Variants in NALF1 observed in about 807,000 individuals in gnomAD.
NALF1 encodes NALCN channel auxiliary factor 1.
In NALF1, 3 loss-of-function variants were observed where a neutral mutation model predicts 48.4. The ratio of observed to expected loss-of-function variants is 0.06; its 90% CI spans 0.03 to 0.16. The LOEUF is 0.16. Ranked by LOEUF, NALF1 falls within the 10% of genes least tolerant of loss-of-function variation. NALF1 has a pLI of 1.00. For missense variants in NALF1, 526 were observed against 571.5 expected (o/e 0.92, Z 0.81); for synonymous variants, 262 against 245.7 (o/e 1.07, Z -0.62).
intron 1 of NALF1, among the ~76,000 whole-genome samples, chr13:107,674,581 T>C (rs1439815054): frequency 1.3e-5 from 2 of 152,206 alleles, no homozygotes; most frequent in East Asian, 3.9e-4. Context: ...CCATGCAATG[T>C]GGTAGGCCCT....
At chr13:107,587,715 C>T (rs569805946) in intron 1 of NALF1, among the ~76,000 whole-genome samples, 8 of 152,128 alleles carry the variant, frequency 5.3e-5, no homozygotes, top group South Asian at 2.1e-4. Flanking sequence ...TGTCCAGAGA[C>T]GAACAATGAG....
chr13:107,248,595 G>A (rs932701173), intron 1 of NALF1, among the ~76,000 whole-genome samples: 4 of 148,136 alleles, frequency 2.7e-5, no homozygotes. Context: ...GCCACATGTG[G>A]CTTTTTAAAT....
At chr13:107,618,785 T>G (rs1226008756) in intron 1 of NALF1, among the ~76,000 whole-genome samples, 6 of 152,126 alleles carry the variant, frequency 3.9e-5, no homozygotes, top group Non-Finnish European at 7.4e-5. Flanking sequence ...ATATTGGGGA[T>G]AGACTGAGGG....
intron 1 of NALF1, among the ~76,000 whole-genome samples, chr13:107,261,864 T>C (rs1212847424): frequency 6.6e-6 from 1 of 152,172 alleles, no homozygotes; most frequent in African/African-American, 2.4e-5. Context: ...GAATCTTTAC[T>C]ATTGCAGTTC....
At chr13:107,384,503 T>C (rs1883493576) in intron 1 of NALF1, among the ~76,000 whole-genome samples, 1 of 152,170 alleles carries the variant, frequency 6.6e-6, no homozygotes, top group Non-Finnish European at 1.5e-5. Flanking sequence ...TGGTGGTTTT[T>C]TTTATTTTTT....
At chr13:107,421,736 G>T (rs1884192502) in intron 1 of NALF1, among the ~76,000 whole-genome samples, 1 of 152,148 alleles carries the variant, frequency 6.6e-6, no homozygotes, top group African/African-American at 2.4e-5. Context: ...ACTTGGTGAT[G>T]GCTGGGAAAC....
rs1321844796 is a variant in NALF1, at chr13:107,362,950, T to C, written c.916-152195A>G. 6.6e-6 allele frequency among the ~76,000 whole-genome samples: 1 copy of C among 152,054 alleles called. No individual in the cohort carries two copies. The highest frequency in any genetic ancestry group is 2.4e-5 in the African/African-American group (1 of 41,404). On this transcript the variant is annotated intron_variant, in intron 1 of 2. Transcript: ENST00000375915. The surrounding 1 kb of genome is among the most constrained non-coding windows in gnomAD (Gnocchi z 4.6). Reference sequence around the variant, plus strand: ...TATCCCTTTTCATAGAACTATGATGTCCCCAAGACTCAAAAGCTTACCATA... The same window carrying C: ...TATCCCTTTTCATAGAACTATGATGCCCCCAAGACTCAAAAGCTTACCATA...
At chr13:107,624,107 A>G (rs986367514) in intron 1 of NALF1, among the ~76,000 whole-genome samples, 7 of 152,186 alleles carry the variant, frequency 4.6e-5, no homozygotes, top group Admixed American at 2.0e-4. Context: ...GAGAATAACT[A>G]TGATAGAGGA....
intron 1 of NALF1, among the ~76,000 whole-genome samples, chr13:107,516,831 C>T (rs74112207): frequency 3.3e-5 from 5 of 152,274 alleles, no homozygotes; most frequent in African/African-American, 9.6e-5. Context: ...CCCAAATAAA[C>T]ATTAAAGTTT....
chr13:107,212,293 T>A (rs530671568), intron 1 of NALF1, among the ~76,000 whole-genome samples: 1 of 152,246 alleles, frequency 6.6e-6, no homozygotes, highest in Non-Finnish European at 1.5e-5. Context: ...TCTTTGCCAG[T>A]CATCAATGGC....
intron 1 of NALF1, among the ~76,000 whole-genome samples, chr13:107,684,056 G>A (rs1337479610): frequency 6.6e-6 from 1 of 152,108 alleles, no homozygotes; most frequent in African/African-American, 2.4e-5. Flanking sequence ...CGGATTCAGG[G>A]CACCTGCACC....
chr13:107,311,295 C>T (rs1046040074), intron 1 of NALF1, among the ~76,000 whole-genome samples: 2 of 152,034 alleles, frequency 1.3e-5, no homozygotes, highest in African/African-American at 4.8e-5. Context: ...ACATATTTAC[C>T]ATTAAGTTTA....
At chr13:107,275,449 C>A (rs118141612) in intron 1 of NALF1, among the ~76,000 whole-genome samples, 1 of 152,078 alleles carries the variant, frequency 6.6e-6, no homozygotes, top group African/African-American at 2.4e-5. Context: ...ATTCTGTCAA[C>A]CTTGAGAGCC....
intron 2 of NALF1, among the ~76,000 whole-genome samples, chr13:107,189,300 A>T (rs140373185): frequency 5.9e-5 from 9 of 152,370 alleles, no homozygotes; most frequent in African/African-American, 2.2e-4. Flanking sequence ...ATCACATTTC[A>T]CATTGTTATT....
At chr13:107,539,433 GC>G (rs1876935521) in intron 1 of NALF1, among the ~76,000 whole-genome samples, 1 of 149,852 alleles carries the variant, frequency 6.7e-6, no homozygotes, top group East Asian at 1.9e-4. Context: ...CCTCTTATTA[GC>G]CCCGCTTCTC....
Position 107,556,346 on chromosome 13 carries a change from T to G in NALF1, c.915+309336A>C, listed in dbSNP as rs1309503142. Among the ~76,000 whole-genome samples the G allele has an allele frequency of 4.1e-3, 604 of 147,850 alleles. 4 individuals carry two copies. Among genetic ancestry groups the G allele is most frequent in the African/African-American group, 0.01 (422 of 40,430 alleles). On this transcript the variant is annotated intron_variant, in intron 1 of 2. Transcript: ENST00000375915. ...ATATATATATACACACACATATATA[T>G]ATATAGAGAGAGAGAGAGAGAGAGT...
intron 1 of NALF1, among the ~76,000 whole-genome samples, chr13:107,214,242 A>G (rs1879826924): frequency 6.6e-6 from 1 of 152,204 alleles, no homozygotes; most frequent in African/African-American, 2.4e-5. Flanking sequence ...TTGTGGTGGC[A>G]CCGGGCTAGA....
At chr13:107,669,684 T>C (rs182458936) in intron 1 of NALF1, among the ~76,000 whole-genome samples, 199 of 152,226 alleles carry the variant, frequency 1.3e-3, no homozygotes, top group African/African-American at 4.4e-3. Flanking sequence ...CTTATTTCAA[T>C]AGTGTTTTCT....
intron 1 of NALF1, among the ~76,000 whole-genome samples, chr13:107,282,011 C>A (rs74114096): frequency 0.018 from 2,679 of 152,282 alleles, 86 homozygotes; most frequent in African/African-American, 0.061. Context: ...GGGGACCCAG[C>A]CACACCATAT....
Sources: allele counts gnomAD v4.1 joint callset (sites outside exome capture counted in the v4.1 genomes callset), GRCh38; gene constraint gnomAD v4.1.1; non-coding constraint Gnocchi (gnomAD v3.1); transcripts MANE v1.5; gene names NCBI Gene and HGNC (gene_info 2026-07-23, HGNC 2026-07-21).